The following SCAMP1 variants were observed in gnomAD, a reference collection of about 807,000 sequenced individuals.
The protein encoded by SCAMP1 is secretory carrier membrane protein 1.
Under a neutral mutation model 41.8 loss-of-function variants are expected in SCAMP1, and 15 were observed. The ratio of observed to expected loss-of-function variants is 0.36; its 90% CI spans 0.24 to 0.55. The LOEUF is 0.55. Ranked by LOEUF, SCAMP1 falls within the 20% of genes least tolerant of loss-of-function variation. The pLI is 0.86. For missense variants in SCAMP1, 341 were observed against 412.6 expected (o/e 0.83, Z 1.50); for synonymous variants, 135 against 136.8 (o/e 0.99, Z 0.09).
At chr5:78,447,663 A>G (rs561908852) in intron 6 of SCAMP1, among the ~76,000 whole-genome samples, 43 of 152,292 alleles carry the variant, frequency 2.8e-4, no homozygotes, top group African/African-American at 9.1e-4. Flanking sequence ...AAACAGGAAA[A>G]AAAAAATCTT....
chr5:78,439,618 C>T (rs1283586145), intron 6 of SCAMP1, among the ~76,000 whole-genome samples: 1 of 152,130 alleles, frequency 6.6e-6, no homozygotes, highest in Non-Finnish European at 1.5e-5. Context: ...TTGTGAGTAA[C>T]CTGACCTTTC....
At chr5:78,422,294 T>C (rs961678922) in intron 6 of SCAMP1, among the ~76,000 whole-genome samples, 1 of 145,646 alleles carries the variant, frequency 6.9e-6, no homozygotes. Flanking sequence ...ACCTCCCAAA[T>C]CAAAATCCCA....
rs73128345 is a variant in SCAMP1 at position 78,372,744 on chromosome 5, G to T, written c.57+12016G>T. On this transcript the variant is annotated intron_variant, in intron 1 of 8. Coordinates refer to ENST00000621999, the MANE Select transcript of SCAMP1 (RefSeq NM_004866.6). ...AGCTTGGTAAGGCAACTAGTAATTT[G>T]CATGTCTTGTTTTTGTTTCTATTTA... is the stretch of plus-strand genomic sequence containing the variant. 8.4e-3 allele frequency among the ~76,000 whole-genome samples: 1,282 copies of T among 152,140 alleles called. 20 individuals are homozygous for T. Among genetic ancestry groups the T allele is most frequent in the African/African-American group, 0.029 (1,197 of 41,524 alleles).
In SCAMP1 at chr5:78,360,617, G is replaced by A; in HGVS notation, c.-55G>A. On this transcript the variant is annotated 5_prime_UTR_variant, in exon 1 of 9. Transcript: ENST00000621999. Reference sequence around the variant, plus strand: ...GAGCGCGCAGGGGGGCGGCGGCCTCGCCTCGTCTCTCTCTCTGCGCCTGGG... The same window carrying A: ...GAGCGCGCAGGGGGGCGGCGGCCTCACCTCGTCTCTCTCTCTGCGCCTGGG... 6.5e-7 allele frequency: 1 copy of A among 1,545,010 alleles called. No individual in the cohort carries two copies. Among genetic ancestry groups the A allele is most frequent in the Non-Finnish European group, 8.8e-7 (1 of 1,139,816 alleles).
intron 2 of SCAMP1, among the ~76,000 whole-genome samples, chr5:78,402,251 C>G (rs1215147948): frequency 6.8e-6 from 1 of 147,776 alleles, no homozygotes; most frequent in Non-Finnish European, 1.5e-5. Flanking sequence ...TGTCTTCTGT[C>G]TTGGTGAGTG....
intron 1 of SCAMP1, among the ~76,000 whole-genome samples, chr5:78,365,933 G>A (rs981321996): frequency 2.0e-5 from 3 of 152,120 alleles, no homozygotes; most frequent in Non-Finnish European, 4.4e-5. Flanking sequence ...GTCTTAGTCT[G>A]TTTGGGCTGC....
chr5:78,404,455 T>TTG (rs1407505301), intron 2 of SCAMP1, among the ~76,000 whole-genome samples: 3 of 57,590 alleles, frequency 5.2e-5, no homozygotes, highest in African/African-American at 1.3e-4. Context: ...CCTTACAGGT[T>TTG]TTTTTTTTTT....
At chr5:78,453,835 ATTTG>A (rs1447098106) in intron 7 of SCAMP1, among the ~76,000 whole-genome samples, 1 of 150,790 alleles carries the variant, frequency 6.6e-6, no homozygotes, top group East Asian at 1.9e-4. Context: ...ATGTTCTTCC[ATTTG>A]TTTGTATCCT....
At chr5:78,390,749 A>T (rs1751468519) in intron 2 of SCAMP1, among the ~76,000 whole-genome samples, 1 of 150,154 alleles carries the variant, frequency 6.7e-6, no homozygotes, top group East Asian at 1.9e-4. Context: ...AGGTCAGCAG[A>T]TAAACAAGTG....
At chr5:78,463,839 G>T (rs1753675059) in intron 8 of SCAMP1, among the ~76,000 whole-genome samples, 1 of 150,178 alleles carries the variant, frequency 6.7e-6, no homozygotes, top group East Asian at 2.0e-4. Flanking sequence ...AGGGTAAAAT[G>T]CATAGTATAC....
At chr5:78,438,459 A>G (rs1335476469) in intron 6 of SCAMP1, among the ~76,000 whole-genome samples, 2 of 151,990 alleles carry the variant, frequency 1.3e-5, no homozygotes, top group Non-Finnish European at 2.9e-5. Flanking sequence ...TTCTGCCTTC[A>G]TTTCGTTTTT....
intron 7 of SCAMP1, among the ~76,000 whole-genome samples, chr5:78,451,820 A>G (rs10060939): frequency 0.42 from 64,208 of 151,762 alleles, 14,560 homozygotes; most frequent in Non-Finnish European, 0.5. Context: ...CAGCCCAGCT[A>G]ATTTTTCTAT....
At position 78,412,076 on chromosome 5, in the gene SCAMP1, G is replaced by GT. The variant is rs562951300; in HGVS notation, c.136-3437dup. Among the ~76,000 whole-genome samples the GT allele has an allele frequency of 1.7e-3, 252 of 151,942 alleles. 1 individual carries two copies. The highest frequency in any genetic ancestry group is 5.2e-3 in the African/African-American group (217 of 41,496). On this transcript the variant is annotated intron_variant, in intron 2 of 8. Transcript: ENST00000621999. ...CCTGTTCAGAGTTTTTAAAAATGCA[G>GT]TTTTTTTCAGTAACATGTTTATCTG...
At chr5:78,403,140 G>C (rs555040884) in intron 2 of SCAMP1, among the ~76,000 whole-genome samples, 1 of 152,180 alleles carries the variant, frequency 6.6e-6, no homozygotes, top group African/African-American at 2.4e-5. Flanking sequence ...CAAAGTGCTG[G>C]GATTACAGGC....
chr5:78,391,271 C>T (rs1429124997), intron 2 of SCAMP1, among the ~76,000 whole-genome samples: 2 of 141,430 alleles, frequency 1.4e-5, no homozygotes, highest in South Asian at 2.3e-4. Flanking sequence ...GGCAGCTGGC[C>T]GGGCGGGGGG....
At chr5:78,425,148 A>T (rs963831672) in intron 6 of SCAMP1, among the ~76,000 whole-genome samples, 2 of 152,160 alleles carry the variant, frequency 1.3e-5, no homozygotes, top group African/African-American at 4.8e-5. Context: ...GTGAACTGTG[A>T]TTTCTTATAG....
At chr5:78,411,911 A>C (rs186868829) in intron 2 of SCAMP1, among the ~76,000 whole-genome samples, 1 of 152,094 alleles carries the variant, frequency 6.6e-6, no homozygotes, top group African/African-American at 2.4e-5. Flanking sequence ...GAGAATATCT[A>C]TTTTACCACA....
intron 5 of SCAMP1, among the ~76,000 whole-genome samples, chr5:78,419,737 A>G (rs1752294468): frequency 6.6e-6 from 1 of 152,204 alleles, no homozygotes; most frequent in Non-Finnish European, 1.5e-5. Context: ...ATGATTAATG[A>G]GACTACCACC....
chr5:78,447,789 CTTTCTTCTT>C (rs1342292072), intron 6 of SCAMP1, among the ~76,000 whole-genome samples: 2 of 147,584 alleles, frequency 1.4e-5, no homozygotes, highest in Non-Finnish European at 3.0e-5. Flanking sequence ...TCAAAAGAAA[CTTTCTTCTT>C]CTTCTTCCTC....
Sources: gnomAD v4.1 joint callset for allele counts (sites outside exome capture counted in the v4.1 genomes callset) on GRCh38, gnomAD v4.1.1 for gene constraint, MANE v1.5 for transcripts, NCBI Gene and HGNC (gene_info 2026-07-23, HGNC 2026-07-21) for gene names.